The following XRRA1 variants were observed in gnomAD, a reference collection of about 807,000 sequenced individuals.
XRRA1 encodes X-ray radiation resistance associated 1.
In XRRA1, 69 loss-of-function variants were observed where a neutral mutation model predicts 80.2. The ratio of observed to expected loss-of-function variants is 0.86; its 90% CI spans 0.71 to 1.05. The LOEUF is 1.05. Among genes scored for constraint, XRRA1 ranks in the 50% least tolerant of loss-of-function variants. The probability of loss-of-function intolerance (pLI) is 0.00; values close to 1 mark genes in which losing one functional copy is unlikely to be tolerated. For missense variants in XRRA1, 967 were observed against 976.4 expected, an observed-to-expected ratio of 0.99 and a Z score of 0.13; for synonymous variants, 348 against 389.9, an observed-to-expected ratio of 0.89 and a Z score of 1.27.
At chr11:74,912,977 A>C (rs2056239443) in intron 8 of XRRA1, among the ~76,000 whole-genome samples, 2 of 152,202 alleles carry the variant, frequency 1.3e-5, no homozygotes, top group Non-Finnish European at 2.9e-5. Flanking sequence ...ATCTCTGGGG[A>C]TATGAAAGGC....
At chr11:74,923,097 C>G (rs1217019563) in intron 7 of XRRA1, among the ~76,000 whole-genome samples, 1 of 152,196 alleles carries the variant, frequency 6.6e-6, no homozygotes. Context: ...ACCAGGGGAT[C>G]AGGACAGGCT....
At chr11:74,948,226 G>A (rs1462074403) in intron 1 of XRRA1, among the ~76,000 whole-genome samples, 1 of 152,162 alleles carries the variant, frequency 6.6e-6, no homozygotes, top group East Asian at 1.9e-4. Flanking sequence ...ACTGCTATTT[G>A]ATAACTCTGT....
intron 6 of XRRA1, among the ~76,000 whole-genome samples, chr11:74,928,868 C>T (rs1461484982): frequency 1.3e-5 from 2 of 152,156 alleles, no homozygotes; most frequent in Admixed American, 6.5e-5. Flanking sequence ...CAAGATGCTA[C>T]ACCAATGACT....
chr11:74,939,871 AAGAG>A (rs376199147), intron 3 of XRRA1, among the ~76,000 whole-genome samples: 9 of 150,330 alleles, frequency 6.0e-5, no homozygotes, highest in South Asian at 2.1e-4. Flanking sequence ...GAGCGAGAGC[AAGAG>A]AGAGAGAGAG....
rs1022396675 is a variant in XRRA1, at chr11:74,841,548, ACTCT to A, written c.*1648_*1651del. The A allele has an allele frequency of 6.6e-6, 1 of 152,150 alleles. No individual in the cohort carries two copies. Among genetic ancestry groups the A allele is most frequent in the Non-Finnish European group, 1.5e-5 (1 of 68,026 alleles). The allele number at this position is 152,150 out of a possible 1,614,324, so 9.4% of individuals were successfully genotyped here. A position where few individuals can be genotyped will look rare whatever the true frequency, so the allele number is the denominator to read the frequency against. On this transcript the variant is annotated 3_prime_UTR_variant, in exon 19 of 19. Transcript: ENST00000684022. The stretch of plus-strand genomic sequence containing the variant: ...TTTTTTCCTCTTAAGAAAAAAATTT[ACTCT>A]CTCTCCTTTGTGAGTAAATGCCTCC...
Position 74,907,240 on chromosome 11 carries a change from C to G in XRRA1, c.690G>C (p.Arg230Ser). The change falls in exon 9 of 19, where the codon AGG becomes AGC. Residue 230 changes from arginine to serine, a missense_variant. Coordinates refer to ENST00000684022, the MANE Select transcript of XRRA1 (RefSeq NM_001378157.1). ...EASVTSLTSKRYILRFPALET... is the reference protein window; with the variant it reads ...EASVTSLTSKSYILRFPALET... ...CCAGCGCTGGGAACCTCAGGATGTACCTCTTGCTTGTCAGCGATGTTACAG... is the reference window on the plus strand; with the variant it reads ...CCAGCGCTGGGAACCTCAGGATGTAGCTCTTGCTTGTCAGCGATGTTACAG... 1.9e-6 allele frequency: 3 copies of G among 1,613,940 alleles called. No individual in the cohort carries two copies. The highest frequency in any genetic ancestry group is 2.5e-6 in the Non-Finnish European group (3 of 1,179,864).
chr11:74,888,580 C>T (rs931143940), intron 10 of XRRA1, among the ~76,000 whole-genome samples: 20 of 152,168 alleles, frequency 1.3e-4, no homozygotes, highest in South Asian at 6.2e-4. Context: ...ATGACTTTGA[C>T]GAGTTGAGAG....
chr11:74,932,568 T>C (rs1292344335), intron 5 of XRRA1, among the ~76,000 whole-genome samples: 1 of 151,998 alleles, frequency 6.6e-6, no homozygotes, highest in African/African-American at 2.4e-5. Context: ...AGCACGTGAG[T>C]GAATAAGTAA....
chr11:74,849,495 CCACAAGG>C, intron 14 of XRRA1, among the ~76,000 whole-genome samples: 1 of 152,310 alleles, frequency 6.6e-6, no homozygotes, highest in East Asian at 1.9e-4. Context: ...TGAATCCATG[CCACAAGG>C]CACAGGGCAC....
chr11:74,879,011 G>GT (rs1353323672), intron 10 of XRRA1, among the ~76,000 whole-genome samples: 3 of 148,080 alleles, frequency 2.0e-5, no homozygotes, highest in African/African-American at 7.4e-5. Context: ...AAAGTCATTG[G>GT]TAGCTTGATG....
At chr11:74,920,661 GC>G (rs1270432251) in intron 8 of XRRA1, among the ~76,000 whole-genome samples, 14 of 152,174 alleles carry the variant, frequency 9.2e-5, no homozygotes, top group African/African-American at 3.4e-4. Context: ...AACTAGCTTT[GC>G]AACTTTGGGC....
At chr11:74,864,855 A>G (rs1040930786) in intron 10 of XRRA1, among the ~76,000 whole-genome samples, 1 of 152,226 alleles carries the variant, frequency 6.6e-6, no homozygotes, top group Non-Finnish European at 1.5e-5. Flanking sequence ...GAGTTCACCA[A>G]CTTCTGTCCC....
Position 74,867,894 on chromosome 11 carries a change from G to A in XRRA1, c.1004-4873C>T, listed in dbSNP as rs368666206. On this transcript the variant is annotated intron_variant, in intron 10 of 18. Transcript: ENST00000684022. ...GCAGACCTTTCAGCACAAACCAGAG[G>A]AGAATGGGGGCCTATAGTCAATCTT... Among the ~76,000 whole-genome samples the A allele has an allele frequency of 1.0e-3, 149 of 147,546 alleles. 5 individuals carry two copies. In the South Asian group the frequency reaches 0.029, roughly 29 times the overall value.
Position 74,940,887 on chromosome 11 carries a change from G to A in XRRA1, c.-4-5C>T. 6.2e-7 allele frequency: 1 copy of A among 1,601,946 alleles called. No homozygotes were observed. Among genetic ancestry groups the A allele is most frequent in the Non-Finnish European group, 8.5e-7 (1 of 1,173,750 alleles). On this transcript the variant is annotated splice_region_variant and splice_polypyrimidine_tract_variant and intron_variant, in intron 2 of 18. Transcript: ENST00000684022. ...ATTCCTGAGAAGGCCATCTCCCTGA[G>A]AGCCAGGCAAGGAAAGCAAGGAAGC...
intron 9 of XRRA1, chr11:74,906,714 G>A (rs2138178794): frequency 4.0e-6 from 2 of 504,900 alleles, no homozygotes; most frequent in Middle Eastern, 5.3e-4. Context: ...GTAGTATTCA[G>A]TAAATGGTAG....
intron 12 of XRRA1, among the ~76,000 whole-genome samples, chr11:74,852,316 C>T (rs1157433696): frequency 1.3e-5 from 2 of 152,118 alleles, no homozygotes; most frequent in East Asian, 1.9e-4. Context: ...ATCACTGTTG[C>T]GTGTTTAAGA....
chr11:74,857,639 C>A (rs2041429536), intron 12 of XRRA1, among the ~76,000 whole-genome samples: 1 of 152,052 alleles, frequency 6.6e-6, no homozygotes, highest in Non-Finnish European at 1.5e-5. Flanking sequence ...GAACACTTTC[C>A]CCCAAAACTG....
At chr11:74,846,356 G>A (rs1022673979) in intron 15 of XRRA1, 1 of 152,130 alleles carries the variant, frequency 6.6e-6, no homozygotes, top group Non-Finnish European at 1.5e-5. Flanking sequence ...TTTCACTGGT[G>A]AATGCTACCA....
chr11:74,848,529 A>G (rs978465421), intron 14 of XRRA1, 67 bp from the exon 15 acceptor site: 2 of 1,411,230 alleles, frequency 1.4e-6, no homozygotes, highest in East Asian at 2.5e-5. Flanking sequence ...GGGCCTCACT[A>G]GCCTAAGGCC....
Sources: allele counts gnomAD v4.1 joint callset (sites outside exome capture counted in the v4.1 genomes callset), GRCh38; gene constraint gnomAD v4.1.1; transcripts MANE v1.5; gene names NCBI Gene and HGNC (gene_info 2026-07-23, HGNC 2026-07-21).